SEMA5A: variants seen among roughly 807,000 people sequenced by gnomAD.
SEMA5A encodes semaphorin-5A.
SEMA5A carries 55 observed loss-of-function variants against 135.5 expected under a neutral mutation model. The observed-to-expected ratio is 0.41, with a 90% CI of 0.33 to 0.51. SEMA5A has a LOEUF of 0.51. Among genes scored for constraint, SEMA5A ranks in the 20% least tolerant of loss-of-function variants. The pLI is 0.37. For missense variants in SEMA5A, 1,290 were observed against 1,419.9 expected (o/e 0.91, Z 1.47); for synonymous variants, 580 against 546.5 (o/e 1.06, Z -0.85).
chr5:9,304,556 A>G (rs1751770420), intron 5 of SEMA5A, among the ~76,000 whole-genome samples: 1 of 152,134 alleles, frequency 6.6e-6, no homozygotes, highest in Admixed American at 6.6e-5. Flanking sequence ...CAGCCTATAT[A>G]GTTTGCTTAA....
intron 1 of SEMA5A, among the ~76,000 whole-genome samples, chr5:9,478,188 G>A (rs148023358): frequency 3.4e-4 from 52 of 152,342 alleles, no homozygotes; most frequent in African/African-American, 4.8e-4. Context: ...GAGAACCTCC[G>A]CATGTATTTC....
chr5:9,434,172 G>A (rs1236211226), intron 2 of SEMA5A, among the ~76,000 whole-genome samples: 1 of 152,096 alleles, frequency 6.6e-6, no homozygotes. Context: ...ACACGATAGA[G>A]TATTACATAT....
chr5:9,521,380 A>G (rs2126871449), intron 1 of SEMA5A, among the ~76,000 whole-genome samples: 1 of 152,376 alleles, frequency 6.6e-6, no homozygotes, highest in African/African-American at 2.4e-5. Context: ...ACTGCATTCC[A>G]GCCTGGGCAA....
chr5:9,438,998 C>T (rs567007439), intron 1 of SEMA5A, among the ~76,000 whole-genome samples: 128 of 152,298 alleles, frequency 8.4e-4, no homozygotes, highest in African/African-American at 2.9e-3. Flanking sequence ...TCCCTTCCTC[C>T]AGGACGGGCC....
intron 13 of SEMA5A, among the ~76,000 whole-genome samples, chr5:9,133,102 T>C (rs1309813521): frequency 6.6e-6 from 1 of 152,248 alleles, no homozygotes; most frequent in Non-Finnish European, 1.5e-5. Flanking sequence ...ACCAGTGGCA[T>C]ATCAGAAATG....
At chr5:9,318,723 G>A (rs78546967) in intron 4 of SEMA5A, among the ~76,000 whole-genome samples, 1 of 152,246 alleles carries the variant, frequency 6.6e-6, no homozygotes, top group African/African-American at 2.4e-5. Context: ...AAAGGACATG[G>A]GCATTCCATT....
chr5:9,530,234 A>G (rs1042265711), intron 1 of SEMA5A, among the ~76,000 whole-genome samples: 2 of 152,192 alleles, frequency 1.3e-5, no homozygotes, highest in African/African-American at 4.8e-5. Context: ...GGGACAGATC[A>G]TGTGTTAAAA....
intron 5 of SEMA5A, among the ~76,000 whole-genome samples, chr5:9,258,129 C>T (rs1007504798): frequency 5.3e-5 from 8 of 152,056 alleles, no homozygotes; most frequent in African/African-American, 1.9e-4. Context: ...ATATTACTAA[C>T]ATAAAAAAAG....
intron 16 of SEMA5A, among the ~76,000 whole-genome samples, chr5:9,098,075 C>T (rs1380067757): frequency 6.6e-6 from 1 of 151,966 alleles, no homozygotes; most frequent in Non-Finnish European, 1.5e-5. Context: ...GAAACCCCGT[C>T]TCTACTAAAA....
chr5:9,052,723 G>C (rs1727218522), intron 19 of SEMA5A, among the ~76,000 whole-genome samples: 1 of 151,852 alleles, frequency 6.6e-6, no homozygotes, highest in Non-Finnish European at 1.5e-5. Context: ...TCCCGAAGTG[G>C]AAGATTTACT....
At chr5:9,235,408 A>AAC (rs1747846175) in intron 6 of SEMA5A, among the ~76,000 whole-genome samples, 1 of 152,230 alleles carries the variant, frequency 6.6e-6, no homozygotes, top group Non-Finnish European at 1.5e-5. Flanking sequence ...CCATGTATGG[A>AAC]ATAGCTGCCA....
intron 16 of SEMA5A, among the ~76,000 whole-genome samples, chr5:9,097,272 A>C (rs1345297878): frequency 6.6e-6 from 1 of 152,176 alleles, no homozygotes; most frequent in Non-Finnish European, 1.5e-5. Flanking sequence ...ACAGGGTAGA[A>C]GCTTATTCTT....
intron 11 of SEMA5A, among the ~76,000 whole-genome samples, chr5:9,180,006 A>G (rs952799754): frequency 3.9e-5 from 6 of 152,142 alleles, no homozygotes; most frequent in Admixed American, 3.9e-4. Context: ...GTCTCGTGCT[A>G]GTTTCTGAGG....
At chr5:9,257,944 G>T (rs1290584912) in intron 5 of SEMA5A, among the ~76,000 whole-genome samples, 1 of 152,050 alleles carries the variant, frequency 6.6e-6, no homozygotes, top group Non-Finnish European at 1.5e-5. Context: ...AGGGTGTTAG[G>T]GTGTTTTGTT....
At chr5:9,161,802 G>T (rs920222034) in intron 11 of SEMA5A, among the ~76,000 whole-genome samples, 9 of 152,172 alleles carry the variant, frequency 5.9e-5, no homozygotes, top group African/African-American at 1.4e-4. Context: ...AAATATAGAG[G>T]TCCTTCTCTA....
At chr5:9,280,531 A>T (rs1319367985) in intron 5 of SEMA5A, among the ~76,000 whole-genome samples, 1 of 152,198 alleles carries the variant, frequency 6.6e-6, no homozygotes. Flanking sequence ...GTTACTATTC[A>T]TAGGAGAAGC....
At chr5:9,299,426 C>T (rs1452051494) in intron 5 of SEMA5A, among the ~76,000 whole-genome samples, 1 of 152,168 alleles carries the variant, frequency 6.6e-6, no homozygotes, top group South Asian at 2.1e-4. Flanking sequence ...ATCAAGCAAA[C>T]ACCCAGGAGA....
At chr5:9,305,939 G>A (rs940823151) in intron 5 of SEMA5A, among the ~76,000 whole-genome samples, 15 of 152,110 alleles carry the variant, frequency 9.9e-5, no homozygotes, top group Non-Finnish European at 2.1e-4. Flanking sequence ...CAAAGTGAGC[G>A]AGCAGGAAGA....
intron 2 of SEMA5A, chr5:9,422,257 T>C (rs928988332): frequency 2.6e-5 from 4 of 152,208 alleles, no homozygotes; most frequent in African/African-American, 7.2e-5. Flanking sequence ...GCAGATGTTA[T>C]AGGGTGCTGC....
Sources: allele counts gnomAD v4.1 joint callset (sites outside exome capture counted in the v4.1 genomes callset), GRCh38; gene constraint gnomAD v4.1.1; transcripts MANE v1.5; gene names NCBI Gene and HGNC (gene_info 2026-07-23, HGNC 2026-07-21).